SPOCK1: variants seen among roughly 807,000 people sequenced by gnomAD.
SPOCK1 encodes the protein SPARC (osteonectin), cwcv and kazal like domains proteoglycan 1, also known as testican-1.
A neutral mutation model predicts 55.3 loss-of-function variants in SPOCK1; 23 were observed. The observed-to-expected ratio is 0.42, with a 90% confidence interval of 0.30 to 0.59. The LOEUF (loss-of-function observed/expected upper bound fraction) is 0.59. Ranked by LOEUF, SPOCK1 falls within the 20% of genes least tolerant of loss-of-function variation. SPOCK1 has a pLI of 0.22. For synonymous variants in SPOCK1, 226 were observed against 221.0 expected, an observed-to-expected ratio of 1.02 and a Z score of -0.20; for missense variants, 499 against 552.5, an observed-to-expected ratio of 0.90 and a Z score of 0.97.
intron 2 of SPOCK1, among the ~76,000 whole-genome samples, chr5:137,427,108 C>G (rs1254042340): frequency 6.6e-6 from 1 of 152,182 alleles, no homozygotes; most frequent in Non-Finnish European, 1.5e-5. Flanking sequence ...TATGCCTTCT[C>G]ATATTCTTTC....
chr5:137,427,793 C>A (rs972340622), intron 2 of SPOCK1, among the ~76,000 whole-genome samples: 1 of 151,834 alleles, frequency 6.6e-6, no homozygotes, highest in African/African-American at 2.4e-5. Flanking sequence ...GCTGTAGTCC[C>A]AGCTACTCGG....
At chr5:137,098,104 A>G (rs1019646338) in intron 5 of SPOCK1, among the ~76,000 whole-genome samples, 6 of 152,356 alleles carry the variant, frequency 3.9e-5, no homozygotes, top group African/African-American at 1.4e-4. Flanking sequence ...TCAATGTGAC[A>G]CATACTGTTC....
At chr5:137,035,013 G>A (rs1403995835) in intron 6 of SPOCK1, among the ~76,000 whole-genome samples, 1 of 152,200 alleles carries the variant, frequency 6.6e-6, no homozygotes, top group Non-Finnish European at 1.5e-5. Context: ...TACTGCTGGG[G>A]TTGGCTGTGG....
At chr5:137,203,311 G>C (rs1357805202) in intron 3 of SPOCK1, among the ~76,000 whole-genome samples, 1 of 151,480 alleles carries the variant, frequency 6.6e-6, no homozygotes. Context: ...CATCATCGAG[G>C]GAAAAAGTGG....
intron 2 of SPOCK1, among the ~76,000 whole-genome samples, chr5:137,283,293 C>A (rs1369182079): frequency 6.6e-6 from 1 of 152,240 alleles, no homozygotes; most frequent in African/African-American, 2.4e-5. Flanking sequence ...CCTCAGCTCC[C>A]AGTTCACTCA....
chr5:137,267,660 G>C (rs1449013955), intron 2 of SPOCK1, among the ~76,000 whole-genome samples: 3 of 152,128 alleles, frequency 2.0e-5, no homozygotes, highest in African/African-American at 7.2e-5. Flanking sequence ...CCTGCATTTG[G>C]GTTGCATCAA....
chr5:137,122,644 G>A (rs907774357), intron 4 of SPOCK1, among the ~76,000 whole-genome samples: 2 of 152,138 alleles, frequency 1.3e-5, no homozygotes, highest in Non-Finnish European at 2.9e-5. Context: ...GCAAACCCAC[G>A]GCTGAGAACT....
At chr5:137,236,817 G>A (rs903113423) in intron 3 of SPOCK1, among the ~76,000 whole-genome samples, 2 of 152,196 alleles carry the variant, frequency 1.3e-5, no homozygotes, top group African/African-American at 4.8e-5. Context: ...ACAGAAATAT[G>A]TCAGGCCTGG....
intron 3 of SPOCK1, among the ~76,000 whole-genome samples, chr5:137,263,695 C>T (rs997040686): frequency 2.0e-5 from 3 of 152,150 alleles, no homozygotes; most frequent in Admixed American, 1.3e-4. Context: ...TCCTGTCCAT[C>T]CTTTCTGTGA....
chr5:137,229,954 C>T (rs1344600345), intron 3 of SPOCK1, among the ~76,000 whole-genome samples: 1 of 152,140 alleles, frequency 6.6e-6, no homozygotes, highest in Non-Finnish European at 1.5e-5. Context: ...CTGTGCAGCC[C>T]ATGGGTAGGG....
chr5:137,449,047 G>A (rs2149834113), intron 2 of SPOCK1, among the ~76,000 whole-genome samples: 1 of 152,306 alleles, frequency 6.6e-6, no homozygotes, highest in Non-Finnish European at 1.5e-5. Context: ...CTACCCTCAG[G>A]CCCTGCTTCA....
Position 137,167,038 on chromosome 5 carries a change from A to G in SPOCK1, c.233-26344T>C, listed in dbSNP as rs12517247. ...AGTCATAGAGTGGCTGAATGGATTT[A>G]AAAAAACACTGAAAGATCTGTTGCC... On this transcript the variant is annotated intron_variant, in intron 3 of 10. Coordinates refer to ENST00000394945, the MANE Select transcript of SPOCK1 (RefSeq NM_004598.4). Among the ~76,000 whole-genome samples, 1,506 of 152,134 alleles carry G rather than the reference A, an allele frequency of 9.9e-3. 8 individuals carry two copies. The highest frequency in any genetic ancestry group is 0.036 in the East Asian group (189 of 5,180).
At chr5:137,010,814 G>A (rs1751334807) in intron 6 of SPOCK1, among the ~76,000 whole-genome samples, 1 of 152,110 alleles carries the variant, frequency 6.6e-6, no homozygotes, top group Non-Finnish European at 1.5e-5. Flanking sequence ...TTGGGTCTCT[G>A]GGTTTATAGA....
At chr5:137,266,889 A>G in intron 3 of SPOCK1, 121 bp downstream of exon 3, 1 of 838,126 alleles carries the variant, frequency 1.2e-6, no homozygotes, top group South Asian at 1.8e-5. Flanking sequence ...TTCAGTCCCC[A>G]AAGTCAATAA....
chr5:137,356,206 A>T lies in SPOCK1; in HGVS notation c.187-89151T>A, dbSNP rs116830787. ...TGCCATTTCCATTTGCCTAACTCTA[A>T]CTCGGCCCCAGCCTAGCCTATCAAG... On this transcript the variant is annotated intron_variant, in intron 2 of 10. Coordinates refer to ENST00000394945, the MANE Select transcript of SPOCK1 (RefSeq NM_004598.4). Among the ~76,000 whole-genome samples, 910 of 152,152 alleles carry T rather than the reference A, an allele frequency of 6.0e-3. 2 individuals carry two copies. The highest frequency in any genetic ancestry group is 0.01 in the Non-Finnish European group (689 of 68,018).
chr5:137,370,615 A>G (rs567514692), intron 2 of SPOCK1, among the ~76,000 whole-genome samples: 1 of 152,338 alleles, frequency 6.6e-6, no homozygotes, highest in African/African-American at 2.4e-5. Flanking sequence ...CACCCAACCC[A>G]GTGACACATA....
chr5:137,069,175 C>T (rs904883437), intron 5 of SPOCK1, among the ~76,000 whole-genome samples: 2 of 152,142 alleles, frequency 1.3e-5, no homozygotes, highest in Admixed American at 6.5e-5. Flanking sequence ...GTCCCTATAC[C>T]GATTAGAAAC....
intron 6 of SPOCK1, among the ~76,000 whole-genome samples, chr5:137,035,386 T>A (rs1437576779): frequency 6.6e-6 from 1 of 152,170 alleles, no homozygotes; most frequent in Non-Finnish European, 1.5e-5. Context: ...GAGACTCCGA[T>A]TTGCAAGGCA....
intron 2 of SPOCK1, among the ~76,000 whole-genome samples, chr5:137,301,361 A>G (rs1483720454): frequency 6.6e-6 from 1 of 152,224 alleles, no homozygotes. Flanking sequence ...CATGACAATA[A>G]TATTTGTGAA....
Sources: gnomAD v4.1 joint callset for allele counts (sites outside exome capture counted in the v4.1 genomes callset) on GRCh38, gnomAD v4.1.1 for gene constraint, MANE v1.5 for transcripts, NCBI Gene and HGNC (gene_info 2026-07-23, HGNC 2026-07-21) for gene names.